RABGAP1L: variants seen among roughly 807,000 people sequenced by gnomAD.
RABGAP1L encodes the protein RAB GTPase activating protein 1 like, also known as rab GTPase-activating protein 1-like.
RABGAP1L carries 63 observed loss-of-function variants against 137.7 expected under a neutral mutation model. The observed-to-expected ratio is 0.46, with a 90% CI of 0.37 to 0.56. The LOEUF (loss-of-function observed/expected upper bound fraction) is 0.56. Ranked by LOEUF, RABGAP1L falls within the 20% of genes least tolerant of loss-of-function variation. The probability of loss-of-function intolerance (pLI) is 0.00; values close to 1 mark genes in which losing one functional copy is unlikely to be tolerated. For missense variants in RABGAP1L, 1,095 were observed against 1,244.0 expected (o/e 0.88, Z 1.80); for synonymous variants, 431 against 433.7 (o/e 0.99, Z 0.08).
At chr1:174,929,501 G>A (rs1438961809) in intron 19 of RABGAP1L, among the ~76,000 whole-genome samples, 1 of 152,108 alleles carries the variant, frequency 6.6e-6, no homozygotes, top group South Asian at 2.1e-4. Context: ...CCAGCACTTT[G>A]GGAGGCCAAG....
chr1:174,181,942 TA>T (rs1315746685), intron 1 of RABGAP1L, among the ~76,000 whole-genome samples: 1 of 152,186 alleles, frequency 6.6e-6, no homozygotes, highest in Non-Finnish European at 1.5e-5. Flanking sequence ...TTTAAGAAGA[TA>T]TTTTAAAATA....
intron 13 of RABGAP1L, among the ~76,000 whole-genome samples, chr1:174,586,231 G>C (rs1669103322): frequency 6.6e-6 from 1 of 152,130 alleles, no homozygotes; most frequent in Non-Finnish European, 1.5e-5. Flanking sequence ...GCAGGGACAT[G>C]GATGAAGCTG....
intron 13 of RABGAP1L, among the ~76,000 whole-genome samples, chr1:174,424,040 A>C (rs1421917890): frequency 6.6e-6 from 1 of 152,186 alleles, no homozygotes; most frequent in Non-Finnish European, 1.5e-5. Flanking sequence ...GAAGTTGACC[A>C]AGACCAAAGG....
chr1:174,386,769 A>C (rs942283063), intron 12 of RABGAP1L, among the ~76,000 whole-genome samples: 1 of 152,010 alleles, frequency 6.6e-6, no homozygotes, highest in African/African-American at 2.4e-5. Context: ...GGCCTCCCAA[A>C]GTGCTGGGAT....
intron 19 of RABGAP1L, among the ~76,000 whole-genome samples, chr1:174,902,323 C>T (rs561424233): frequency 1.8e-4 from 27 of 152,310 alleles, no homozygotes; most frequent in African/African-American, 6.3e-4. Flanking sequence ...GTGGCTGCCT[C>T]TCCCCCCCAG....
At chr1:174,349,954 G>T (rs1247170350) in intron 11 of RABGAP1L, among the ~76,000 whole-genome samples, 23 of 129,740 alleles carry the variant, frequency 1.8e-4, no homozygotes, top group Non-Finnish European at 3.4e-4. Flanking sequence ...CTGGCCGGGT[G>T]GGGGGGCTGA....
intron 1 of RABGAP1L, among the ~76,000 whole-genome samples, chr1:174,160,301 C>A (rs1027827956): frequency 2.0e-5 from 3 of 152,154 alleles, no homozygotes; most frequent in Non-Finnish European, 2.9e-5. Context: ...TGTGAGTGCT[C>A]AGTGTCCTGA....
chr1:174,651,084 C>T (rs332804), intron 14 of RABGAP1L, among the ~76,000 whole-genome samples: 55,793 of 151,466 alleles, frequency 0.37, 13,503 homozygotes, highest in African/African-American at 0.69. Flanking sequence ...GCCTTCATTT[C>T]GTTATGTACC....
intron 15 of RABGAP1L, among the ~76,000 whole-genome samples, chr1:174,685,673 C>T (rs577236102): frequency 8.1e-4 from 123 of 152,054 alleles, no homozygotes; most frequent in Admixed American, 2.0e-4. Flanking sequence ...AAGTGATTCT[C>T]CTGCCTCAGC....
intron 19 of RABGAP1L, among the ~76,000 whole-genome samples, chr1:174,944,129 C>G (rs1396040169): frequency 6.6e-6 from 1 of 151,624 alleles, no homozygotes; most frequent in Non-Finnish European, 1.5e-5. Context: ...AAAAATTAGC[C>G]AGGTGTGGTG....
At chr1:174,857,818 CCTT>C (rs1254365174) in intron 19 of RABGAP1L, among the ~76,000 whole-genome samples, 1 of 152,078 alleles carries the variant, frequency 6.6e-6, no homozygotes, top group African/African-American at 2.4e-5. Flanking sequence ...AGAGCAAGAA[CCTT>C]CTCAAAATAA....
At chr1:174,759,781 G>A (rs962485482) in intron 18 of RABGAP1L, among the ~76,000 whole-genome samples, 3 of 152,074 alleles carry the variant, frequency 2.0e-5, no homozygotes, top group Non-Finnish European at 2.9e-5. Flanking sequence ...GGAGGTCCCA[G>A]ACTCTTTTAC....
chr1:174,471,359 G>T (rs1657916696), intron 13 of RABGAP1L, among the ~76,000 whole-genome samples: 2 of 152,142 alleles, frequency 1.3e-5, no homozygotes, highest in South Asian at 4.2e-4. Flanking sequence ...CCCTTCAACA[G>T]GGAAAGTAAA....
At chr1:174,278,127 G>T (rs1471552663) in intron 9 of RABGAP1L, among the ~76,000 whole-genome samples, 1 of 152,220 alleles carries the variant, frequency 6.6e-6, no homozygotes, top group Non-Finnish European at 1.5e-5. Context: ...ATGAGGCCAG[G>T]TGTGGTGGCT....
chr1:174,446,139 G>A (rs1258364359), intron 13 of RABGAP1L, among the ~76,000 whole-genome samples: 1 of 152,202 alleles, frequency 6.6e-6, no homozygotes, highest in African/African-American at 2.4e-5. Flanking sequence ...GATGCTGAGA[G>A]ATTGTGAAGA....
chr1:174,603,595 C>G (rs1202764175), intron 13 of RABGAP1L, among the ~76,000 whole-genome samples: 1 of 152,106 alleles, frequency 6.6e-6, no homozygotes, highest in Non-Finnish European at 1.5e-5. Flanking sequence ...AAGTCTTTCC[C>G]ACTCTTTTCT....
intron 13 of RABGAP1L, among the ~76,000 whole-genome samples, chr1:174,422,488 G>A (rs1415424029): frequency 6.6e-6 from 1 of 151,862 alleles, no homozygotes; most frequent in Non-Finnish European, 1.5e-5. Context: ...TAGTTTATAA[G>A]GTTATTTCCA....
intron 13 of RABGAP1L, among the ~76,000 whole-genome samples, chr1:174,475,172 T>C (rs957628884): frequency 6.6e-6 from 1 of 152,110 alleles, no homozygotes; most frequent in Non-Finnish European, 1.5e-5. Context: ...AATTGCACTT[T>C]CGGGTTTAGT....
At chr1:174,459,863 T>C (rs1426349679) in intron 13 of RABGAP1L, among the ~76,000 whole-genome samples, 1 of 152,020 alleles carries the variant, frequency 6.6e-6, no homozygotes, top group Non-Finnish European at 1.5e-5. Context: ...ATAATGTTTA[T>C]TGTATGTTTT....
Sources: gnomAD v4.1 joint callset for allele counts (sites outside exome capture counted in the v4.1 genomes callset) on GRCh38, gnomAD v4.1.1 for gene constraint, MANE v1.5 for transcripts, NCBI Gene and HGNC (gene_info 2026-07-23, HGNC 2026-07-21) for gene names.